Variants in EGFR observed in about 807,000 individuals in gnomAD.
EGFR encodes the protein avian erythroblastic leukemia viral (v-erb-b) oncogene homolog.
In EGFR, 58 loss-of-function variants were observed where a neutral mutation model predicts 143.0. That is an observed-to-expected ratio of 0.41 (90% CI 0.33 to 0.50). The LOEUF (loss-of-function observed/expected upper bound fraction) is 0.50. Ranked by LOEUF, EGFR falls within the 20% of genes least tolerant of loss-of-function variation. The probability of loss-of-function intolerance (pLI) is 0.39; values close to 1 mark genes in which losing one functional copy is unlikely to be tolerated. For missense variants in EGFR, 1,307 were observed against 1,579.0 expected (o/e 0.83, Z 2.92); for synonymous variants, 613 against 594.4 (o/e 1.03, Z -0.45).
intron 1 of EGFR, among the ~76,000 whole-genome samples, chr7:55,035,761 A>G (rs1168765243): frequency 6.6e-6 from 1 of 152,088 alleles, no homozygotes; most frequent in Non-Finnish European, 1.5e-5. Context: ...AGAAATAGAA[A>G]TAGTGGTTTG....
chr7:55,118,079 G>C (rs963437457), intron 1 of EGFR, among the ~76,000 whole-genome samples: 1 of 152,180 alleles, frequency 6.6e-6, no homozygotes, highest in African/African-American at 2.4e-5. Context: ...AAAGTGCCCA[G>C]CACAAGTTAA....
At position 55,149,820 on chromosome 7, in the gene EGFR, GCAGCCATGCTATT is replaced by G. The variant is rs1486017867; in HGVS notation, c.560-1473_560-1461del. ...AGAGATTGGTTGAAAAAATTATGCAGCAGCCATGCTATTGATAATCATGTTAGATAGAAGCATA... is the reference window on the plus strand; with the variant it reads ...AGAGATTGGTTGAAAAAATTATGCAGGATAATCATGTTAGATAGAAGCATA... On this transcript the variant is annotated intron_variant, in intron 4 of 27. Transcript: ENST00000275493. 2.0e-5 allele frequency among the ~76,000 whole-genome samples: 3 copies of G among 152,158 alleles called. No homozygotes were observed. The South Asian group carries it at 6.2e-4, about 32-fold the overall frequency.
rs17335738 is a variant in EGFR, at chr7:55,019,446, G to T, written c.88+81G>T. The T allele has an allele frequency of 0.15, 135,459 of 918,674 alleles. 10,697 individuals carry two copies. The highest frequency in any genetic ancestry group is 0.2 in the Admixed American group (4,169 of 20,376). 56.9% of individuals were successfully genotyped at this position (918,674 alleles called of 1,614,324 possible). A position where few individuals can be genotyped will look rare whatever the true frequency, so the allele number is the denominator to read the frequency against. ...GCAGCCCGCCCAACCGCGCACCGGC[G>T]CACCGGCTCGGCGCCCGCGCCCCCG... On this transcript the variant is annotated intron_variant, in intron 1 of 27. Coordinates refer to ENST00000275493, the MANE Select transcript of EGFR (RefSeq NM_005228.5).
chr7:55,155,792 C>T (rs1562765958), intron 7 of EGFR, 38 bp from the exon 8 acceptor site: 1 of 1,570,706 alleles, frequency 6.4e-7, no homozygotes, highest in Non-Finnish European at 8.8e-7. Flanking sequence ...GCACCTGGTG[C>T]CACCGTCATC....
chr7:55,200,906 C>A (rs1266592419), intron 24 of EGFR: 1 of 540,844 alleles, frequency 1.8e-6, no homozygotes, highest in Non-Finnish European at 3.3e-6. Context: ...GGTGCACACT[C>A]GATGAATGCT....
chr7:55,172,239 G>A (rs910506906), intron 16 of EGFR, among the ~76,000 whole-genome samples: 10 of 151,996 alleles, frequency 6.6e-5, no homozygotes, highest in South Asian at 2.1e-4. Context: ...CTCTTGTGGC[G>A]CCCTATGGAT....
chr7:55,169,192 C>G (rs940136246), intron 15 of EGFR, among the ~76,000 whole-genome samples: 4 of 151,992 alleles, frequency 2.6e-5, no homozygotes, highest in African/African-American at 9.7e-5. Flanking sequence ...CCTCCACCTC[C>G]CAGGTTCAAG....
intron 1 of EGFR, among the ~76,000 whole-genome samples, chr7:55,121,062 T>G (rs1342468219): frequency 2.6e-5 from 4 of 152,112 alleles, no homozygotes; most frequent in Non-Finnish European, 5.9e-5. Context: ...CCTGGAAGAT[T>G]CCATGAACTA....
intron 1 of EGFR, among the ~76,000 whole-genome samples, chr7:55,054,303 A>G (rs1381264367): frequency 6.6e-6 from 1 of 152,222 alleles, no homozygotes; most frequent in African/African-American, 2.4e-5. Flanking sequence ...GTTTCTCAGG[A>G]TTCCACCTCC....
At chr7:55,105,644 T>C (rs2128904293) in intron 1 of EGFR, among the ~76,000 whole-genome samples, 1 of 152,304 alleles carries the variant, frequency 6.6e-6, no homozygotes, top group East Asian at 1.9e-4. Context: ...TTAGTGCAAA[T>C]TGAGACCACC....
At chr7:55,067,487 C>A (rs1789570597) in intron 1 of EGFR, among the ~76,000 whole-genome samples, 1 of 151,454 alleles carries the variant, frequency 6.6e-6, no homozygotes. Flanking sequence ...AACCCCATTG[C>A]TGCCTCTTTT....
At chr7:55,020,131 G>T (rs918989821) in intron 1 of EGFR, among the ~76,000 whole-genome samples, 3 of 152,224 alleles carry the variant, frequency 2.0e-5, no homozygotes, top group African/African-American at 7.2e-5. Flanking sequence ...AAGGCAGGTG[G>T]GGTCCGACCC....
At chr7:55,081,494 C>A (rs1358142722) in intron 1 of EGFR, among the ~76,000 whole-genome samples, 1 of 152,142 alleles carries the variant, frequency 6.6e-6, no homozygotes, top group Non-Finnish European at 1.5e-5. Flanking sequence ...TGAGCGAGAG[C>A]CTGAGATGCC....
intron 1 of EGFR, among the ~76,000 whole-genome samples, chr7:55,049,569 C>T (rs1253962690): frequency 6.6e-6 from 1 of 151,986 alleles, no homozygotes; most frequent in Non-Finnish European, 1.5e-5. Context: ...ATCTGGGGGG[C>T]CTTGCTGTCT....
chr7:55,137,034 G>A (rs1188927386), intron 1 of EGFR, among the ~76,000 whole-genome samples: 2 of 152,216 alleles, frequency 1.3e-5, no homozygotes. Flanking sequence ...TTATTATTAA[G>A]TTATTCCTAC....
chr7:55,054,674 G>A (rs1194716468), intron 1 of EGFR, among the ~76,000 whole-genome samples: 1 of 152,232 alleles, frequency 6.6e-6, no homozygotes, highest in Non-Finnish European at 1.5e-5. Context: ...CCCACAGAGA[G>A]TGCAGAATGT....
In EGFR at chr7:55,068,073, CGTGT is replaced by C. The variant is rs10564333; in HGVS notation, c.88+48718_88+48721del. On this transcript the variant is annotated intron_variant, in intron 1 of 27. Transcript: ENST00000275493. ...GTACATGTATGTACGCGTGTGCATA[CGTGT>C]GTGTGTGTGCACAGGTGTGTATGTG... 1.4e-4 allele frequency among the ~76,000 whole-genome samples: 21 copies of C among 149,204 alleles called. No individual in the cohort carries two copies. In the South Asian group the frequency reaches 2.7e-3, roughly 20 times the overall value.
chr7:55,110,466 G>A (rs183155739), intron 1 of EGFR, among the ~76,000 whole-genome samples: 7 of 152,294 alleles, frequency 4.6e-5, no homozygotes, highest in African/African-American at 1.7e-4. Context: ...TGGGAAAGGC[G>A]GACAGAGGCT....
At chr7:55,129,178 G>A (rs763348219) in intron 1 of EGFR, among the ~76,000 whole-genome samples, 5 of 152,196 alleles carry the variant, frequency 3.3e-5, no homozygotes, top group Non-Finnish European at 7.3e-5. Flanking sequence ...AGAGAAAGCC[G>A]TGGGGACTAC....
Sources: allele counts gnomAD v4.1 joint callset (sites outside exome capture counted in the v4.1 genomes callset), GRCh38; gene constraint gnomAD v4.1.1; transcripts MANE v1.5; gene names NCBI Gene and HGNC (gene_info 2026-07-23, HGNC 2026-07-21).